Variants in MYO10 observed in about 807,000 individuals in gnomAD.
MYO10 encodes the protein unconventional myosin-X.
Under a neutral mutation model 257.3 loss-of-function variants are expected in MYO10, and 133 were observed. The observed-to-expected ratio is 0.52, with a 90% confidence interval of 0.45 to 0.60. MYO10 has a LOEUF of 0.60. Among genes scored for constraint, MYO10 ranks in the 20% least tolerant of loss-of-function variants. The pLI is 0.00. For synonymous variants in MYO10, 1,104 were observed against 1,028.6 expected (o/e 1.07, Z -1.40); for missense variants, 2,399 against 2,635.7 (o/e 0.91, Z 1.97).
chr5:16,736,294 T>C (rs1739797828), intron 19 of MYO10, among the ~76,000 whole-genome samples: 1 of 152,168 alleles, frequency 6.6e-6, no homozygotes, highest in Non-Finnish European at 1.5e-5. Context: ...GCTTGAACTC[T>C]AAGGACGTTG....
At chr5:16,718,706 A>G (rs964523292) in intron 19 of MYO10, among the ~76,000 whole-genome samples, 14 of 150,032 alleles carry the variant, frequency 9.3e-5, no homozygotes, top group Non-Finnish European at 1.3e-4. Context: ...TGCTCTGGTG[A>G]GGACGTGGAG....
chr5:16,767,566 G>C (rs1197791349), intron 10 of MYO10, among the ~76,000 whole-genome samples: 1 of 152,084 alleles, frequency 6.6e-6, no homozygotes, highest in Non-Finnish European at 1.5e-5. Context: ...TTGGAAAACA[G>C]TCTTTTAAAT....
intron 1 of MYO10, among the ~76,000 whole-genome samples, chr5:16,918,589 G>A (rs140392950): frequency 0.075 from 10,327 of 138,574 alleles, 421 homozygotes; most frequent in African/African-American, 0.12. Context: ...TGCAAACTCC[G>A]CCTCCTGGGT....
chr5:16,731,078 C>T (rs1739564450), intron 19 of MYO10, among the ~76,000 whole-genome samples: 1 of 149,968 alleles, frequency 6.7e-6, no homozygotes, highest in Admixed American at 6.6e-5. Context: ...CTGAGTCTCG[C>T]TCTGTCGCCC....
chr5:16,818,406 GTGTGTATA>G (rs751694940), intron 2 of MYO10, among the ~76,000 whole-genome samples: 3,257 of 122,866 alleles, frequency 0.027, 67 homozygotes, highest in East Asian at 0.17. Context: ...GTGTGTGTGT[GTGTGTATA>G]TATATATATA....
chr5:16,765,183 G>C (rs1341416532), intron 11 of MYO10, among the ~76,000 whole-genome samples: 1 of 152,120 alleles, frequency 6.6e-6, no homozygotes, highest in Admixed American at 6.6e-5. Flanking sequence ...ATTAATCCTG[G>C]GTGTGTCTGT....
Position 16,685,738 on chromosome 5 carries a change from C to A in MYO10, c.3990G>T (p.Val1330=). 6.3e-7 allele frequency: 1 copy of A among 1,596,706 alleles called. No individual in the cohort carries two copies. The highest frequency in any genetic ancestry group is 8.5e-7 in the Non-Finnish European group (1 of 1,172,044). ...CCCATCCCACACAGTGCTCCCGTAC[C>A]ACAGCATTCTGTGGGTTTGCCTGCT... ...HDEQANPQNA[V]GTLDVGLIDS... Residue 1330 remains valine (V), a splice_region_variant and synonymous_variant, in exon 29 of 41, where the codon GTG becomes GTT. Transcript: ENST00000513610.
intron 26 of MYO10, among the ~76,000 whole-genome samples, chr5:16,695,880 GC>G (rs1737723792): frequency 6.6e-6 from 1 of 152,116 alleles, no homozygotes; most frequent in Admixed American, 6.6e-5. Flanking sequence ...TGTCCAAGAG[GC>G]CCCTGCTCAT....
intron 1 of MYO10, among the ~76,000 whole-genome samples, chr5:16,920,432 T>C (rs1745949859): frequency 6.6e-6 from 1 of 152,118 alleles, no homozygotes. Flanking sequence ...TATGTACTGA[T>C]CGATTCCATT....
chr5:16,698,515 T>C (rs1407826293), intron 26 of MYO10, among the ~76,000 whole-genome samples: 2 of 152,018 alleles, frequency 1.3e-5, no homozygotes, highest in African/African-American at 2.4e-5. Context: ...GAAGTAGGTA[T>C]GGTGAGCAGT....
At chr5:16,897,417 A>G (rs1394476446) in intron 1 of MYO10, among the ~76,000 whole-genome samples, 1 of 152,188 alleles carries the variant, frequency 6.6e-6, no homozygotes, top group Admixed American at 6.6e-5. Context: ...AGACCTATGC[A>G]AAGACGTACG....
At chr5:16,851,210 GA>G (rs1743792452) in intron 2 of MYO10, among the ~76,000 whole-genome samples, 1 of 152,164 alleles carries the variant, frequency 6.6e-6, no homozygotes, top group Admixed American at 6.5e-5. Flanking sequence ...GAATGAAAAA[GA>G]AGACATTATG....
intron 4 of MYO10, among the ~76,000 whole-genome samples, chr5:16,791,553 C>CACACACAT (rs760769927): frequency 5.4e-5 from 7 of 129,602 alleles, no homozygotes; most frequent in South Asian, 2.7e-4. Flanking sequence ...CATACACACA[C>CACACACAT]ACACACACAT....
At chr5:16,779,265 ACT>A (rs1238391104) in intron 9 of MYO10, among the ~76,000 whole-genome samples, 16 of 152,152 alleles carry the variant, frequency 1.1e-4, no homozygotes, top group Non-Finnish European at 1.9e-4. Context: ...TGGAAGGTAC[ACT>A]TTCTGAACAC....
chr5:16,746,780 G>A lies in MYO10; in HGVS notation c.1929+8048C>T, dbSNP rs551205008. On this transcript the variant is annotated intron_variant, in intron 19 of 40. Transcript: ENST00000513610. ...GAAATCATTGTGCTCTGCTGTAATC[G>A]GTGGTGCCTTTGCTTCCACAGTGAC... is the stretch of plus-strand genomic sequence containing the variant. Among the ~76,000 whole-genome samples the A allele has an allele frequency of 2.0e-5, 3 of 152,260 alleles. No individual in the cohort carries two copies. In the East Asian group the frequency reaches 5.8e-4, roughly 29 times the overall value.
At position 16,818,179 on chromosome 5, in the gene MYO10, A is replaced by G; in HGVS notation, c.121-12T>C. 1 of 1,509,286 alleles carries G rather than the reference A, an allele frequency of 6.6e-7. No individual in the cohort carries two copies. Among genetic ancestry groups the G allele is most frequent in the Non-Finnish European group, 9.0e-7 (1 of 1,117,298 alleles). The allele number at this position is 1,509,286 out of a possible 1,614,324, so 93.5% of individuals were successfully genotyped here. A position where few individuals can be genotyped will look rare whatever the true frequency, so the allele number is the denominator to read the frequency against. On this transcript the variant is annotated splice_polypyrimidine_tract_variant and intron_variant, in intron 2 of 40. Transcript: ENST00000513610. ...TTGTAAGTGAATACCTGAGGGAGGG[A>G]GAGGAATTCAATTATTTCATTATCA...
At chr5:16,700,200 C>T (rs371168856) in intron 25 of MYO10, among the ~76,000 whole-genome samples, 2 of 152,088 alleles carry the variant, frequency 1.3e-5, no homozygotes, top group African/African-American at 2.4e-5. Flanking sequence ...GAAATAACAT[C>T]GTGTGGTTTG....
chr5:16,818,226 A>T, intron 2 of MYO10, 59 bp from the exon 3 acceptor site: 4 of 1,344,420 alleles, frequency 3.0e-6, no homozygotes, highest in Admixed American at 2.4e-5. Context: ...TTTTTCACAC[A>T]AGTTTCCCAA....
intron 3 of MYO10, among the ~76,000 whole-genome samples, chr5:16,803,027 C>T (rs2126689564): frequency 6.6e-6 from 1 of 152,064 alleles, no homozygotes; most frequent in South Asian, 2.1e-4. Flanking sequence ...ATGGCTTGAG[C>T]CCAGGAGGTC....
Sources: gnomAD v4.1 joint callset for allele counts (sites outside exome capture counted in the v4.1 genomes callset) on GRCh38, gnomAD v4.1.1 for gene constraint, MANE v1.5 for transcripts, NCBI Gene and HGNC (gene_info 2026-07-23, HGNC 2026-07-21) for gene names.